APBB2: variants seen among roughly 807,000 people sequenced by gnomAD.
The protein encoded by APBB2 is Fe65-like 1.
In APBB2, 38 loss-of-function variants were observed where a neutral mutation model predicts 82.5. That is an observed-to-expected ratio of 0.46 (90% CI 0.36 to 0.60). APBB2 has a LOEUF of 0.60. Among genes scored for constraint, APBB2 ranks in the 20% least tolerant of loss-of-function variants. The pLI, the probability that APBB2 is intolerant of heterozygous loss-of-function variation, is 0.00. For synonymous variants in APBB2, 341 were observed against 368.2 expected (o/e 0.93, Z 0.85); for missense variants, 772 against 972.3 (o/e 0.79, Z 2.74).
At chr4:40,900,231 A>G (rs1311403793) in intron 10 of APBB2, among the ~76,000 whole-genome samples, 5 of 152,212 alleles carry the variant, frequency 3.3e-5, no homozygotes, top group Non-Finnish European at 7.3e-5. Flanking sequence ...ATTCGCGATG[A>G]TAACATTTCC....
At chr4:41,152,193 T>C (rs1372220526) in intron 1 of APBB2, among the ~76,000 whole-genome samples, 1 of 152,210 alleles carries the variant, frequency 6.6e-6, no homozygotes, top group African/African-American at 2.4e-5. Flanking sequence ...CAATTTTGCA[T>C]TTAGTTGTGA....
chr4:41,049,524 C>T (rs1197420595), intron 4 of APBB2, among the ~76,000 whole-genome samples: 1 of 147,812 alleles, frequency 6.8e-6, no homozygotes, highest in African/African-American at 2.5e-5. Flanking sequence ...CCAGCCCCCG[C>T]CCGGCCAGCC....
Position 41,013,922 on chromosome 4 carries a change from CATA to C in APBB2, c.493_495del (p.Tyr165del). 6.2e-7 allele frequency: 1 copy of C among 1,614,182 alleles called. No individual in the cohort carries two copies. The highest frequency in any genetic ancestry group is 1.1e-5 in the South Asian group (1 of 91,084). On this transcript the variant is annotated inframe_deletion, in exon 6 of 18. Coordinates refer to ENST00000508593, the MANE Select transcript of APBB2 (RefSeq NM_004307.2). ...TCTCTGGCTGAGGTTTCCAGATCTG[CATA>C]GTAATTTAGGAAGCTCTTAGTTCTC...
chr4:41,181,942 C>CAAAAAAAAAAAAAAAAA (rs35142945), intron 1 of APBB2, among the ~76,000 whole-genome samples: 6 of 93,890 alleles, frequency 6.4e-5, no homozygotes, highest in East Asian at 4.0e-4. Flanking sequence ...GAAACTGTCT[C>CAAAAAAAAAAAAAAAAA]AAAAAAAAAA....
At chr4:40,970,426 A>G (rs1348335943) in intron 6 of APBB2, among the ~76,000 whole-genome samples, 1 of 152,014 alleles carries the variant, frequency 6.6e-6, no homozygotes, top group East Asian at 1.9e-4. Flanking sequence ...ATTTTTTCCA[A>G]GCATTGATTT....
At chr4:41,015,919 A>G (rs1042421340) in intron 5 of APBB2, among the ~76,000 whole-genome samples, 1 of 151,094 alleles carries the variant, frequency 6.6e-6, no homozygotes, top group African/African-American at 2.5e-5. Context: ...TACTCTTGAC[A>G]ATTAAATTAA....
At chr4:40,874,066 T>A (rs955731747) in intron 12 of APBB2, among the ~76,000 whole-genome samples, 1 of 152,182 alleles carries the variant, frequency 6.6e-6, no homozygotes, top group African/African-American at 2.4e-5. Flanking sequence ...TAAAGCCAAA[T>A]ATAAGGAAGA....
At chr4:40,964,846 A>C (rs1245920918) in intron 6 of APBB2, among the ~76,000 whole-genome samples, 2 of 151,822 alleles carry the variant, frequency 1.3e-5, no homozygotes, top group Non-Finnish European at 2.9e-5. Flanking sequence ...AGTAGCCGGT[A>C]GTGGTGGCTC....
chr4:41,121,090 G>A (rs1010710343), intron 2 of APBB2, among the ~76,000 whole-genome samples: 3 of 152,154 alleles, frequency 2.0e-5, no homozygotes, highest in Non-Finnish European at 4.4e-5. Context: ...GGTGGAAAAC[G>A]AAAACTGTTT....
At chr4:40,879,564 T>C (rs774460149) in intron 12 of APBB2, among the ~76,000 whole-genome samples, 1 of 152,222 alleles carries the variant, frequency 6.6e-6, no homozygotes, top group Non-Finnish European at 1.5e-5. Context: ...AACTCGTTAG[T>C]TGAGACTCAC....
At chr4:40,818,857 T>C (rs1272688701) in intron 17 of APBB2, among the ~76,000 whole-genome samples, 1 of 152,200 alleles carries the variant, frequency 6.6e-6, no homozygotes, top group Admixed American at 6.5e-5. Flanking sequence ...GCCCCACCTT[T>C]GCAATCTGCT....
intron 1 of APBB2, among the ~76,000 whole-genome samples, chr4:41,211,116 G>A (rs1218694505): frequency 2.6e-5 from 4 of 152,120 alleles, no homozygotes; most frequent in Admixed American, 1.3e-4. Flanking sequence ...TTAGCCAGGC[G>A]TGGTGGCGGG....
intron 12 of APBB2, among the ~76,000 whole-genome samples, chr4:40,838,258 G>C (rs1754661523): frequency 6.7e-6 from 1 of 150,032 alleles, no homozygotes; most frequent in Admixed American, 6.6e-5. Context: ...CACCTCCTGG[G>C]TTCAAGTGAT....
intron 1 of APBB2, among the ~76,000 whole-genome samples, chr4:41,206,427 T>G (rs950213611): frequency 6.6e-6 from 1 of 152,176 alleles, no homozygotes; most frequent in African/African-American, 2.4e-5. Context: ...AACTATGTAC[T>G]CAATAAGCAT....
intron 7 of APBB2, among the ~76,000 whole-genome samples, chr4:40,937,669 T>C (rs539779087): frequency 1.3e-5 from 2 of 152,212 alleles, no homozygotes; most frequent in Non-Finnish European, 2.9e-5. Flanking sequence ...AAAGATCTTT[T>C]TTCCCCTCCT....
At chr4:40,964,776 A>ACACACACACACACACACACACACACAC (rs1553884405) in intron 6 of APBB2, among the ~76,000 whole-genome samples, 1 of 150,606 alleles carries the variant, frequency 6.6e-6, no homozygotes, top group Admixed American at 6.6e-5. Flanking sequence ...ACACACACAC[A>ACACACACACACACACACACACACACAC]ACAATGCACA....
At chr4:41,084,305 T>G (rs1738828520) in intron 3 of APBB2, among the ~76,000 whole-genome samples, 1 of 152,122 alleles carries the variant, frequency 6.6e-6, no homozygotes, top group African/African-American at 2.4e-5. Context: ...ATGCCTGTAA[T>G]CCCAGCTAAT....
Position 40,936,235 on chromosome 4 carries a change from C to G in APBB2, c.1045-1096G>C, listed in dbSNP as rs999704632. ...AACTAAGCTTAAATGTCTTGTGCGT[C>G]GAAAGATGCATTTATTTTGTTTAAA... On this transcript the variant is annotated intron_variant, in intron 7 of 17. Coordinates refer to ENST00000508593, the MANE Select transcript of APBB2 (RefSeq NM_004307.2). 1.1e-4 allele frequency among the ~76,000 whole-genome samples: 17 copies of G among 152,308 alleles called. 1 individual carries two copies. The highest frequency in any genetic ancestry group is 1.0e-3 in the Admixed American group (16 of 15,306).
chr4:40,947,084 AT>A (rs1788661486), intron 6 of APBB2, among the ~76,000 whole-genome samples: 1 of 152,238 alleles, frequency 6.6e-6, no homozygotes, highest in Admixed American at 6.5e-5. Flanking sequence ...AACAACTCTA[AT>A]CAAACATGTG....
Sources: gnomAD v4.1 joint callset for allele counts (sites outside exome capture counted in the v4.1 genomes callset) on GRCh38, gnomAD v4.1.1 for gene constraint, MANE v1.5 for transcripts, NCBI Gene and HGNC (gene_info 2026-07-23, HGNC 2026-07-21) for gene names.